ZBTB11: variants seen among roughly 807,000 people sequenced by gnomAD.
ZBTB11 encodes zinc finger and BTB domain containing 11, also known as zinc finger and BTB domain-containing protein 11.
In ZBTB11, 68 loss-of-function variants were observed where a neutral mutation model predicts 113.1. The observed-to-expected ratio is 0.60, with a 90% CI of 0.49 to 0.74. The LOEUF (loss-of-function observed/expected upper bound fraction) is 0.74. ZBTB11 is among the 30% of genes least tolerant of loss of function. ZBTB11 has a pLI of 0.00. For missense variants in ZBTB11, 1,104 were observed against 1,279.4 expected, an observed-to-expected ratio of 0.86 and a Z score of 2.09; for synonymous variants, 518 against 452.6, an observed-to-expected ratio of 1.14 and a Z score of -1.83.
Position 101,659,820 on chromosome 3 carries a change from A to G in ZBTB11, c.2009T>C (p.Met670Thr), listed in dbSNP as rs1295338133. 1.9e-6 allele frequency: 3 copies of G among 1,614,254 alleles called. No homozygotes were observed. Among genetic ancestry groups the G allele is most frequent in the Non-Finnish European group, 1.7e-6 (2 of 1,180,048 alleles). The change falls in exon 6 of 11, where the codon ATG becomes ACG. Residue 670 changes from methionine (M) to threonine (T), a missense_variant. Coordinates refer to ENST00000312938, the MANE Select transcript of ZBTB11 (RefSeq NM_014415.4). ...LPKLYSLRIHMLKHTGVKPHA... is the reference protein window; with the variant it reads ...LPKLYSLRIHTLKHTGVKPHA... Reference sequence around the variant, plus strand: ...TGGCTTTACACCTGTGTGCTTTAACATATGTATTCGGAGAGAATATAATTT... The same window carrying G: ...TGGCTTTACACCTGTGTGCTTTAACGTATGTATTCGGAGAGAATATAATTT...
Position 101,654,551 on chromosome 3 carries a change from T to C in ZBTB11, c.2309+153A>G, listed in dbSNP as rs549186818. 6.6e-5 allele frequency among the ~76,000 whole-genome samples: 10 copies of C among 152,280 alleles called. No homozygotes were observed. The South Asian group carries it at 2.1e-3, about 32-fold the overall frequency. The stretch of plus-strand genomic sequence containing the variant: ...TGGTAAATGATTTACATCTCGAAGA[T>C]GTTAAAAATAGTAACCCTTAAGCAA... On this transcript the variant is annotated intron_variant, in intron 8 of 10. Transcript: ENST00000312938.
Position 101,651,309 on chromosome 3 carries a change from A to T in ZBTB11, c.3019T>A (p.Ser1007Thr), listed in dbSNP as rs1221241960. 6.2e-7 allele frequency: 1 copy of T among 1,613,526 alleles called. No individual in the cohort carries two copies. Among genetic ancestry groups the T allele is most frequent in the African/African-American group, 1.3e-5 (1 of 74,722 alleles). The change falls in exon 11 of 11, where the codon TCG (serine) becomes ACG (threonine). Residue 1007 changes from serine (S) to threonine (T), a missense_variant. Transcript: ENST00000312938. ...EAVAATEEYP[S>T]VSTLSDQSIM... ...CTTTGGTCAGAAAGTGTAGATACCG[A>T]TGGATACTCTTCAGTAGCTGCAACA...
intron 8 of ZBTB11, 92 bp downstream of exon 8, chr3:101,654,612 G>A (rs538356069): frequency 2.6e-5 from 27 of 1,053,070 alleles, no homozygotes; most frequent in African/African-American, 1.9e-4. Context: ...GTAAACTGAA[G>A]TTACAGTTTA....
At chr3:101,669,178 A>C (rs1222346311) in intron 3 of ZBTB11, among the ~76,000 whole-genome samples, 1 of 152,146 alleles carries the variant, frequency 6.6e-6, no homozygotes, top group Non-Finnish European at 1.5e-5. Context: ...GACTACAGGC[A>C]TGTGACACCA....
In ZBTB11 at chr3:101,665,907, C is replaced by A. The variant is rs1045016063; in HGVS notation, c.779-99G>T. 6.6e-6 allele frequency: 8 copies of A among 1,212,608 alleles called. No individual in the cohort carries two copies. The Admixed American group carries it at 7.9e-5, about 12-fold the overall frequency. The allele number at this position is 1,212,608 out of a possible 1,614,324, so 75.1% of individuals were successfully genotyped here. ...AAATATAATTCAAAGGCAAATATGA[C>A]CATTTGTTCTGCAACTAATCATCCC... On this transcript the variant is annotated intron_variant, in intron 3 of 10. Coordinates refer to ENST00000312938, the MANE Select transcript of ZBTB11 (RefSeq NM_014415.4).
chr3:101,670,396 C>T (rs1199559737), intron 3 of ZBTB11, among the ~76,000 whole-genome samples: 1 of 152,104 alleles, frequency 6.6e-6, no homozygotes, highest in Non-Finnish European at 1.5e-5. Context: ...CATTTGATGA[C>T]TCATAAGCCA....
intron 3 of ZBTB11, among the ~76,000 whole-genome samples, chr3:101,667,976 T>C (rs1198662624): frequency 6.6e-6 from 1 of 151,984 alleles, no homozygotes; most frequent in Non-Finnish European, 1.5e-5. Context: ...CATCAACAGA[T>C]GAATGGAAAA....
rs1158466705 is a variant in ZBTB11, at chr3:101,664,949, C to T, written c.1623+15G>A. The stretch of plus-strand genomic sequence containing the variant: ...AAAGCTAAAACTACAAAGGTCAACC[C>T]TTCTTACATCATACCTGTTGAACTG... On this transcript the variant is annotated intron_variant, in intron 4 of 10. Coordinates refer to ENST00000312938, the MANE Select transcript of ZBTB11 (RefSeq NM_014415.4). 1.3e-6 allele frequency: 2 copies of T among 1,594,580 alleles called. No individual in the cohort carries two copies. Among genetic ancestry groups the T allele is most frequent in the African/African-American group, 1.3e-5 (1 of 74,102 alleles).
At chr3:101,652,423 G>T in intron 10 of ZBTB11, 73 bp downstream of exon 10, 1 of 1,425,348 alleles carries the variant, frequency 7.0e-7, no homozygotes, top group Non-Finnish European at 9.5e-7. Flanking sequence ...AGGTGAAAGA[G>T]CTGGTAAAGG....
Position 101,672,588 on chromosome 3 carries a change from C to T in ZBTB11, c.311-375G>A, listed in dbSNP as rs568983620. Among the ~76,000 whole-genome samples the T allele has an allele frequency of 5.9e-5, 9 of 152,298 alleles. 1 individual carries two copies. The highest frequency in any genetic ancestry group is 4.1e-4 in the South Asian group (2 of 4,826). Reference sequence around the variant, plus strand: ...TAACAATTTAGGGCATGATGGCGCACGCCTGTAATCCCAGCTACTCTGGAG... The same window carrying T: ...TAACAATTTAGGGCATGATGGCGCATGCCTGTAATCCCAGCTACTCTGGAG... On this transcript the variant is annotated intron_variant, in intron 1 of 10. Coordinates refer to ENST00000312938, the MANE Select transcript of ZBTB11 (RefSeq NM_014415.4).
At position 101,676,610 on chromosome 3, in the gene ZBTB11, C is replaced by T; in HGVS notation, c.305G>A (p.Trp102Ter). The T allele has an allele frequency of 6.6e-7, 1 of 1,505,874 alleles. No homozygotes were observed. Among genetic ancestry groups the T allele is most frequent in the Non-Finnish European group, 8.9e-7 (1 of 1,126,514 alleles). 93.3% of individuals were successfully genotyped at this position (1,505,874 alleles called of 1,614,324 possible). A position where few individuals can be genotyped will look rare whatever the true frequency, so the allele number is the denominator to read the frequency against. The change falls in exon 1 of 11, where the codon TGG becomes TAG. Residue 102 changes from tryptophan to a stop codon, truncating the protein, a stop_gained. Transcript: ENST00000312938. LOFTEE classifies it high-confidence loss of function. ...TWHYLSKTYW[W>*]RGILKQVKDY... Reference sequence around the variant, plus strand: ...CGCCGCGGGCTAGGTCTCACCTCGCCACCAGTACGTCTTGGACAAGTAGTG... The same window carrying T: ...CGCCGCGGGCTAGGTCTCACCTCGCTACCAGTACGTCTTGGACAAGTAGTG...
chr3:101,661,164 G>T (rs997901736), intron 5 of ZBTB11, among the ~76,000 whole-genome samples: 1 of 150,956 alleles, frequency 6.6e-6, no homozygotes, highest in Non-Finnish European at 1.5e-5. Context: ...AGCCTGGGAC[G>T]TGGAGGTTGC....
At chr3:101,663,613 G>T (rs895136567) in intron 5 of ZBTB11, among the ~76,000 whole-genome samples, 1 of 152,106 alleles carries the variant, frequency 6.6e-6, no homozygotes, top group African/African-American at 2.4e-5. Context: ...ACCTTGGGCC[G>T]GGTGTGGTAG....
rs765372687 is a variant in ZBTB11, at chr3:101,652,553, A to G, written c.2587T>C (p.Cys863Arg). 2 of 1,613,924 alleles carry G rather than the reference A, an allele frequency of 1.2e-6. No homozygotes were observed. The highest frequency in any genetic ancestry group is 1.7e-6 in the Non-Finnish European group (2 of 1,179,954). ...CTTAGCTGAGTGAATTTTCTTCCAC[A>G]TTTTTCACACACCCGTTCCAGGTTT... ...KQNLERVCEKCGRKFTQLREY... is the reference protein window; with the variant it reads ...KQNLERVCEKRGRKFTQLREY... Residue 863 changes from cysteine to arginine, a missense_variant, in exon 10 of 11, where the codon TGT becomes CGT. This residue lies in a region of ZBTB11 where 148 missense variants were observed against 259.3 expected (regional missense o/e 0.57). Transcript: ENST00000312938.
At chr3:101,668,191 T>C (rs1421904073) in intron 3 of ZBTB11, among the ~76,000 whole-genome samples, 1 of 152,014 alleles carries the variant, frequency 6.6e-6, no homozygotes, top group East Asian at 1.9e-4. Flanking sequence ...CTATGGTTAT[T>C]AGAAGATGGG....
chr3:101,662,667 CG>C (rs1326437305), intron 5 of ZBTB11, among the ~76,000 whole-genome samples: 2 of 152,080 alleles, frequency 1.3e-5, no homozygotes, highest in African/African-American at 4.8e-5. Context: ...GTTTTGTAAA[CG>C]TAATTTTTTC....
At position 101,677,018 on chromosome 3, in the gene ZBTB11, C is replaced by T. The variant is rs1937188876; in HGVS notation, c.-104G>A. On this transcript the variant is annotated 5_prime_UTR_variant, in exon 1 of 11. Transcript: ENST00000312938. ...GGAGCGGCGGCACCGTAGGGAGAAA[C>T]GGCTGCGCCTTTGGCGAGCGCTCTT... is the stretch of plus-strand genomic sequence containing the variant. The T allele has an allele frequency of 3.1e-6, 4 of 1,308,350 alleles. No individual in the cohort carries two copies. The highest frequency in any genetic ancestry group is 5.4e-5 in the East Asian group (2 of 37,338). 81.0% of individuals were successfully genotyped at this position (1,308,350 alleles called of 1,614,324 possible).
At chr3:101,668,758 G>A (rs1417721990) in intron 3 of ZBTB11, among the ~76,000 whole-genome samples, 1 of 151,664 alleles carries the variant, frequency 6.6e-6, no homozygotes, top group Non-Finnish European at 1.5e-5. Context: ...ATATCATTTT[G>A]TACACCATAA....
At chr3:101,661,225 C>A (rs898348797) in intron 5 of ZBTB11, among the ~76,000 whole-genome samples, 26 of 140,844 alleles carry the variant, frequency 1.8e-4, no homozygotes, top group Admixed American at 1.2e-3. Context: ...CAGAGCAAGA[C>A]CCTGTCTCAA....
Sources: gnomAD v4.1 joint callset for allele counts (sites outside exome capture counted in the v4.1 genomes callset) on GRCh38, gnomAD v4.1.1 for gene constraint, gnomAD v4.1.1 regional missense constraint, MANE v1.5 for transcripts, NCBI Gene and HGNC (gene_info 2026-07-23, HGNC 2026-07-21) for gene names.